GRIP1: variants seen among roughly 807,000 people sequenced by gnomAD.
GRIP1 encodes glutamate receptor-interacting protein 1.
A neutral mutation model predicts 129.9 loss-of-function variants in GRIP1; 45 were observed. The ratio of observed to expected loss-of-function variants is 0.35; its 90% CI spans 0.27 to 0.44. The LOEUF (loss-of-function observed/expected upper bound fraction) is 0.44. Among genes scored for constraint, GRIP1 ranks in the 20% least tolerant of loss-of-function variants. The probability of loss-of-function intolerance (pLI) is 1.00; values close to 1 mark genes in which losing one functional copy is unlikely to be tolerated. For missense variants in GRIP1, 1,196 were observed against 1,396.8 expected (o/e 0.86, Z 2.29); for synonymous variants, 530 against 520.8 (o/e 1.02, Z -0.24).
chr12:67,053,079 G>A (rs2043374303), intron 1 of GRIP1, among the ~76,000 whole-genome samples: 1 of 152,166 alleles, frequency 6.6e-6, no homozygotes, highest in Non-Finnish European at 1.5e-5. Context: ...CTAGTTCCAT[G>A]ATGAGGAATC....
At position 66,377,237 on chromosome 12, in the gene GRIP1, G is replaced by C. The variant is rs61925897; in HGVS notation, c.2670C>G (p.Phe890Leu). ...DSAETEQEEN[F>L]WSQALEDLET... The stretch of plus-strand genomic sequence containing the variant: ...CCAAATCCTCCAGCGCTTGAGACCA[G>C]AAGTTCTCCTCTTGTTCTGTCTCTG... The change falls in exon 21 of 25, where the codon TTC becomes TTG. Residue 890 changes from phenylalanine (F) to leucine (L), a missense_variant. Physicochemically the swap from Phe to Leu is conservative, Grantham distance 22. Coordinates refer to ENST00000359742, the MANE Select transcript of GRIP1 (RefSeq NM_001366722.1). The C allele has an allele frequency of 3.7e-6, 6 of 1,613,982 alleles. No individual in the cohort carries two copies. The Admixed American group carries it at 1.0e-4, about 27-fold the overall frequency.
At chr12:66,578,716 C>A (rs919537370) in intron 2 of GRIP1, among the ~76,000 whole-genome samples, 1 of 152,216 alleles carries the variant, frequency 6.6e-6, no homozygotes, top group Non-Finnish European at 1.5e-5. Flanking sequence ...GGGGCGCCCA[C>A]GATTGCCCAG....
intron 12 of GRIP1, 110 bp downstream of exon 12, chr12:66,445,212 A>C (rs948646673): frequency 2.2e-6 from 2 of 914,702 alleles, no homozygotes; most frequent in Non-Finnish European, 3.6e-6. Flanking sequence ...AGTTCATCAT[A>C]TCTTGCATTT....
At chr12:67,012,641 A>T (rs2042727057) in intron 1 of GRIP1, among the ~76,000 whole-genome samples, 1 of 152,218 alleles carries the variant, frequency 6.6e-6, no homozygotes, top group South Asian at 2.1e-4. Context: ...TTTGCAGATA[A>T]GCAAGGTGAG....
intron 7 of GRIP1, among the ~76,000 whole-genome samples, chr12:66,497,646 C>T (rs990826463): frequency 1.3e-5 from 2 of 152,088 alleles, no homozygotes; most frequent in African/African-American, 4.8e-5. Flanking sequence ...GAGGTAGACA[C>T]GAGCTGGGAG....
intron 2 of GRIP1, among the ~76,000 whole-genome samples, chr12:66,548,386 G>A (rs1216589358): frequency 1.3e-5 from 2 of 152,210 alleles, no homozygotes; most frequent in African/African-American, 4.8e-5. Context: ...GGGAAAGACA[G>A]CTCTCTTGAA....
At chr12:67,046,392 A>G (rs1015567299) in intron 1 of GRIP1, among the ~76,000 whole-genome samples, 1 of 152,198 alleles carries the variant, frequency 6.6e-6, no homozygotes, top group Non-Finnish European at 1.5e-5. Context: ...CTTCCATACA[A>G]GATTCCTGAC....
chr12:66,879,143 T>C (rs1429310839), intron 1 of GRIP1, among the ~76,000 whole-genome samples: 1 of 151,790 alleles, frequency 6.6e-6, no homozygotes, highest in African/African-American at 2.4e-5. Context: ...AAAAAGGTAA[T>C]ATAGGAAAGT....
chr12:66,426,226 C>A (rs1243883307), intron 14 of GRIP1, among the ~76,000 whole-genome samples: 1 of 152,072 alleles, frequency 6.6e-6, no homozygotes, highest in Non-Finnish European at 1.5e-5. Context: ...ACAATTATTT[C>A]TTTAATGTGT....
chr12:66,531,255 ATATATATATATATATATATAT>A (rs2061450534), intron 4 of GRIP1, among the ~76,000 whole-genome samples: 11 of 4,818 alleles, frequency 2.3e-3, no homozygotes, highest in East Asian at 0.015. Flanking sequence ...AAAAAAAAAT[ATATATATATATATATATATAT>A]ATATATATAT....
intron 15 of GRIP1, 85 bp downstream of exon 15, chr12:66,420,631 TAGAA>T: frequency 1.3e-6 from 1 of 787,664 alleles, no homozygotes; most frequent in Non-Finnish European, 2.3e-6. Flanking sequence ...AGTGACCCAT[TAGAA>T]AGGTTTGCTT....
intron 1 of GRIP1, among the ~76,000 whole-genome samples, chr12:66,820,334 T>C (rs2039295781): frequency 6.6e-6 from 1 of 152,124 alleles, no homozygotes; most frequent in African/African-American, 2.4e-5. Context: ...ATGTCTAGTG[T>C]CCACAACACT....
intron 1 of GRIP1, chr12:66,647,319 T>C (rs1394979759): frequency 6.6e-6 from 1 of 152,254 alleles, no homozygotes; most frequent in Non-Finnish European, 1.5e-5. Context: ...AAATACTTAC[T>C]TTTTCAGCCC....
chr12:66,895,446 C>T (rs2040731243), intron 1 of GRIP1, among the ~76,000 whole-genome samples: 1 of 152,162 alleles, frequency 6.6e-6, no homozygotes. Context: ...TCCACTAAAT[C>T]TCTTTTTCTT....
At chr12:66,539,293 T>C (rs947844893) in intron 3 of GRIP1, 70 bp from the exon 4 acceptor site, 91 of 1,596,036 alleles carry the variant, frequency 5.7e-5, no homozygotes, top group Non-Finnish European at 7.8e-5. Flanking sequence ...TATTTCCACT[T>C]TCCCTTCATG....
chr12:67,029,731 C>T (rs771240512), intron 1 of GRIP1, among the ~76,000 whole-genome samples: 5 of 151,884 alleles, frequency 3.3e-5, no homozygotes, highest in Admixed American at 6.6e-5. Flanking sequence ...AAAGCAATAA[C>T]GGACATGTGC....
At chr12:66,965,743 C>G (rs1366874536) in intron 1 of GRIP1, among the ~76,000 whole-genome samples, 1 of 152,056 alleles carries the variant, frequency 6.6e-6, no homozygotes, top group African/African-American at 2.4e-5. Context: ...ATCTCCTCAC[C>G]TCCTAACAGC....
intron 14 of GRIP1, among the ~76,000 whole-genome samples, chr12:66,422,873 G>C (rs1202480626): frequency 6.6e-6 from 1 of 152,132 alleles, no homozygotes; most frequent in Non-Finnish European, 1.5e-5. Flanking sequence ...GTGTCATCCA[G>C]ATCTGTATGA....
intron 1 of GRIP1, among the ~76,000 whole-genome samples, chr12:66,701,223 C>T (rs1248665693): frequency 6.6e-6 from 1 of 152,128 alleles, no homozygotes; most frequent in Non-Finnish European, 1.5e-5. Context: ...TCTGGGACTC[C>T]TCTGCCTCAC....
Sources: gnomAD v4.1 joint callset for allele counts (sites outside exome capture counted in the v4.1 genomes callset) on GRCh38, gnomAD v4.1.1 for gene constraint, MANE v1.5 for transcripts, NCBI Gene and HGNC (gene_info 2026-07-23, HGNC 2026-07-21) for gene names.